RBFOX2: variants seen among roughly 807,000 people sequenced by gnomAD.
The protein encoded by RBFOX2 is RNA binding fox-1 homolog 2, also known as RNA binding protein fox-1 homolog 2.
Under a neutral mutation model 49.1 loss-of-function variants are expected in RBFOX2, and 10 were observed. That is an observed-to-expected ratio of 0.20 (90% CI 0.13 to 0.35). The LOEUF (loss-of-function observed/expected upper bound fraction) is 0.35, where lower values mean the gene tolerates loss of function less well. Ranked by LOEUF, RBFOX2 falls within the 10% of genes least tolerant of loss-of-function variation. The pLI is 1.00. For synonymous variants in RBFOX2, 183 were observed against 187.4 expected, an observed-to-expected ratio of 0.98 and a Z score of 0.19; for missense variants, 323 against 486.9, an observed-to-expected ratio of 0.66 and a Z score of 3.17.
chr22:35,981,437 T>C (rs1208790810), intron 1 of RBFOX2, among the ~76,000 whole-genome samples: 1 of 151,882 alleles, frequency 6.6e-6, no homozygotes, highest in Non-Finnish European at 1.5e-5. Flanking sequence ...AGGCCAGGAG[T>C]TCGAGACCAG....
intron 1 of RBFOX2, among the ~76,000 whole-genome samples, chr22:35,961,024 C>A (rs2056143548): frequency 6.6e-6 from 1 of 151,976 alleles, no homozygotes; most frequent in African/African-American, 2.4e-5. Flanking sequence ...ACTATCAGCA[C>A]AAACATGCAT....
chr22:35,745,861 A>G, intron 11 of RBFOX2, 62 bp downstream of exon 13: 2 of 1,488,516 alleles, frequency 1.3e-6, no homozygotes, highest in Non-Finnish European at 9.4e-7. Flanking sequence ...GATCTTCTGT[A>G]GTCTACGGGT....
chr22:36,002,083 A>G (rs1344098365), intron 1 of RBFOX2, among the ~76,000 whole-genome samples: 1 of 152,150 alleles, frequency 6.6e-6, no homozygotes, highest in Non-Finnish European at 1.5e-5. Context: ...AAGAAAAAAG[A>G]AAACAACAAC....
chr22:35,937,440 G>A (rs920021360), intron 1 of RBFOX2, among the ~76,000 whole-genome samples: 8 of 152,106 alleles, frequency 5.3e-5, no homozygotes, highest in African/African-American at 1.7e-4. Context: ...TTCTTCTCCC[G>A]ATGCCTTATC....
At chr22:35,751,445 G>A (rs1177381148) in intron 9 of RBFOX2, among the ~76,000 whole-genome samples, 1 of 152,182 alleles carries the variant, frequency 6.6e-6, no homozygotes. Flanking sequence ...TGGCAGGTGT[G>A]ATGCTGAAAA....
chr22:35,900,042 T>C (rs2048376923), intron 1 of RBFOX2, among the ~76,000 whole-genome samples: 1 of 152,140 alleles, frequency 6.6e-6, no homozygotes, highest in South Asian at 2.1e-4. Context: ...GCAATGTGAG[T>C]CTGGTGGGCA....
chr22:35,956,966 G>A (rs1286992581), intron 1 of RBFOX2, among the ~76,000 whole-genome samples: 2 of 152,196 alleles, frequency 1.3e-5, no homozygotes, highest in Non-Finnish European at 2.9e-5. Context: ...TAAGTGTTTG[G>A]TGGTGAAGAA....
chr22:35,989,365 A>G (rs1035977910), intron 1 of RBFOX2, among the ~76,000 whole-genome samples: 2 of 152,190 alleles, frequency 1.3e-5, no homozygotes, highest in Non-Finnish European at 2.9e-5. Context: ...AAATTCTAAA[A>G]AGCATGGTAC....
At chr22:35,898,419 C>CT (rs749708583) in intron 1 of RBFOX2, 27,049 of 274,782 alleles carry the variant, frequency 0.098, 58 homozygotes, top group South Asian at 0.15. Flanking sequence ...TCCCACAATC[C>CT]TTTTTTTTTT....
intron 1 of RBFOX2, among the ~76,000 whole-genome samples, chr22:35,870,072 T>C (rs1212258567): frequency 6.6e-6 from 1 of 152,222 alleles, no homozygotes; most frequent in Non-Finnish European, 1.5e-5. Flanking sequence ...ATATGGACTT[T>C]TGTGGCAAGG....
chr22:35,933,606 C>T (rs1485943625), intron 1 of RBFOX2, among the ~76,000 whole-genome samples: 2 of 151,988 alleles, frequency 1.3e-5, no homozygotes, highest in Admixed American at 1.3e-4. Context: ...AACAATAGAA[C>T]AAAATTTAGT....
chr22:35,884,531 T>G (rs975209352), intron 1 of RBFOX2, among the ~76,000 whole-genome samples: 4 of 152,180 alleles, frequency 2.6e-5, no homozygotes, highest in Admixed American at 1.3e-4. Context: ...CACTAGCTGT[T>G]AGGCCTAGAC....
chr22:35,881,536 C>A (rs369677771), intron 1 of RBFOX2, among the ~76,000 whole-genome samples: 1 of 151,350 alleles, frequency 6.6e-6, no homozygotes, highest in African/African-American at 2.4e-5. Flanking sequence ...GAGCTGTGAT[C>A]GCACCACTGC....
chr22:36,028,262 G>A, exon 1 of RBFOX2: 1 of 1,531,072 alleles, frequency 6.5e-7, no homozygotes. Flanking sequence ...GCCACCGTCG[G>A]CCGCCGCCTC....
At chr22:35,940,701 T>C (rs927568360), upstream of RBFOX2, among the ~76,000 whole-genome samples, 5 of 152,138 alleles carry the variant, frequency 3.3e-5, no homozygotes, top group African/African-American at 1.2e-4. Context: ...TGTCCGTCGA[T>C]TGATGAATGG....
At chr22:35,772,463 G>A (rs867175590) in intron 4 of RBFOX2, among the ~76,000 whole-genome samples, 57 of 151,610 alleles carry the variant, frequency 3.8e-4, no homozygotes, top group African/African-American at 1.4e-3. Flanking sequence ...TTCTTTTTTT[G>A]TGCTAATTCT....
upstream of RBFOX2, among the ~76,000 whole-genome samples, chr22:35,843,317 G>T (rs898571038): frequency 2.6e-5 from 4 of 152,122 alleles, no homozygotes; most frequent in Non-Finnish European, 5.9e-5. Flanking sequence ...AATGAAGGAG[G>T]CCCTGCCTTC....
chr22:35,923,284 T>TC (rs2051231711), intron 1 of RBFOX2, among the ~76,000 whole-genome samples: 1 of 152,212 alleles, frequency 6.6e-6, no homozygotes, highest in East Asian at 1.9e-4. Context: ...CAAACTGTCT[T>TC]CCAGTCAGCA....
chr22:35,873,481 C>T (rs75060918), intron 1 of RBFOX2, among the ~76,000 whole-genome samples: 4,005 of 151,716 alleles, frequency 0.026, 60 homozygotes, highest in Middle Eastern at 0.088. Context: ...AATGCTAGGG[C>T]AAGACTTCAC....
Sources: gnomAD v4.1 joint callset for allele counts (sites outside exome capture counted in the v4.1 genomes callset) on GRCh38, gnomAD v4.1.1 for gene constraint, MANE v1.5 for transcripts, NCBI Gene and HGNC (gene_info 2026-07-23, HGNC 2026-07-21) for gene names.